CEP112: variants seen among roughly 807,000 people sequenced by gnomAD.
The protein encoded by CEP112 is centrosomal protein 112.
CEP112 carries 127 observed loss-of-function variants against 153.0 expected under a neutral mutation model. The observed-to-expected ratio is 0.83, with a 90% CI of 0.72 to 0.96. The LOEUF is 0.96. CEP112 is among the 40% of genes least tolerant of loss of function. The probability of loss-of-function intolerance (pLI) is 0.00; values close to 1 mark genes in which losing one functional copy is unlikely to be tolerated. For synonymous variants in CEP112, 358 were observed against 374.4 expected, an observed-to-expected ratio of 0.96 and a Z score of 0.51; for missense variants, 1,089 against 1,101.2, an observed-to-expected ratio of 0.99 and a Z score of 0.16.
intron 21 of CEP112, among the ~76,000 whole-genome samples, chr17:65,850,784 C>G (rs1339311272): frequency 6.6e-6 from 1 of 152,156 alleles, no homozygotes; most frequent in Non-Finnish European, 1.5e-5. Context: ...ATCACTTTCC[C>G]TCTTCTTCTC....
intron 16 of CEP112, among the ~76,000 whole-genome samples, chr17:66,020,284 C>A (rs1455366064): frequency 6.6e-6 from 1 of 152,146 alleles, no homozygotes; most frequent in African/African-American, 2.4e-5. Context: ...ATGAAATATA[C>A]TTAACATTTT....
intron 18 of CEP112, among the ~76,000 whole-genome samples, chr17:65,952,855 C>T (rs9635750): frequency 0.41 from 62,826 of 151,910 alleles, 14,390 homozygotes; most frequent in East Asian, 0.87. Context: ...TTTGCATTTC[C>T]TTGATGAATG....
At chr17:65,813,263 A>T (rs1598658747) in intron 21 of CEP112, among the ~76,000 whole-genome samples, 2 of 152,296 alleles carry the variant, frequency 1.3e-5, no homozygotes, top group East Asian at 3.9e-4. Flanking sequence ...TAAGAGCTGA[A>T]AGATCAGTCA....
intron 20 of CEP112, among the ~76,000 whole-genome samples, chr17:65,896,508 T>C (rs2059664351): frequency 6.6e-6 from 1 of 152,000 alleles, no homozygotes. Context: ...ACTTAAGAAA[T>C]AGTATTATTT....
rs138848748 is a variant in CEP112, at chr17:66,182,602, G to T, written c.106+592C>A. Among the ~76,000 whole-genome samples the T allele has an allele frequency of 1.1e-3, 171 of 152,250 alleles. 2 individuals carry two copies. Among genetic ancestry groups the T allele is most frequent in the Admixed American group, 0.01 (154 of 15,296 alleles). ...TACTACGCCTTAGAGAATCTTCCCA[G>T]TCCCCAAAATTCTCCCCAATTGTTC... On this transcript the variant is annotated intron_variant, in intron 2 of 26. Transcript: ENST00000535342.
At chr17:65,827,941 C>T (rs1039165417) in intron 21 of CEP112, among the ~76,000 whole-genome samples, 1 of 152,164 alleles carries the variant, frequency 6.6e-6, no homozygotes, top group African/African-American at 2.4e-5. Flanking sequence ...TGGTACCAGC[C>T]CTGGTACTCG....
At chr17:65,731,432 G>A (rs2050502340) in intron 23 of CEP112, among the ~76,000 whole-genome samples, 1 of 152,136 alleles carries the variant, frequency 6.6e-6, no homozygotes, top group Non-Finnish European at 1.5e-5. Context: ...ACAATCATCT[G>A]AGCCCCCAGA....
At chr17:66,064,334 A>G (rs1041922020) in intron 10 of CEP112, among the ~76,000 whole-genome samples, 11 of 152,206 alleles carry the variant, frequency 7.2e-5, no homozygotes, top group African/African-American at 2.7e-4. Context: ...TTATGTTACT[A>G]AAATGAAATA....
chr17:65,921,744 G>A (rs543031984), intron 19 of CEP112, among the ~76,000 whole-genome samples: 1 of 152,090 alleles, frequency 6.6e-6, no homozygotes, highest in African/African-American at 2.4e-5. Flanking sequence ...TCCATTAATA[G>A]TATCAATTCT....
intron 20 of CEP112, among the ~76,000 whole-genome samples, chr17:65,886,817 C>T (rs1287553778): frequency 1.3e-5 from 2 of 152,064 alleles, no homozygotes; most frequent in South Asian, 2.1e-4. Context: ...TACACAACCG[C>T]GGGCTGCCAT....
rs2071171475 is a variant in CEP112 at position 66,150,721 on chromosome 17, C to G, written c.471-17958G>C. Among the ~76,000 whole-genome samples, 4 of 152,300 alleles carry G rather than the reference C, an allele frequency of 2.6e-5. No homozygotes were observed. The South Asian group carries it at 8.3e-4, about 32-fold the overall frequency. ...TAGGCTGTGGTAGTTCAGAGTATTC[C>G]TCAAATCTTCTACATCCTTTTTGAC... On this transcript the variant is annotated intron_variant, in intron 4 of 26. Coordinates refer to ENST00000535342, the MANE Select transcript of CEP112 (RefSeq NM_001199165.4).
intron 20 of CEP112, among the ~76,000 whole-genome samples, chr17:65,899,036 T>C (rs2059756316): frequency 6.6e-6 from 1 of 152,202 alleles, no homozygotes; most frequent in Admixed American, 6.5e-5. Flanking sequence ...TATATTATAG[T>C]TCAAAAGCAA....
intron 11 of CEP112, among the ~76,000 whole-genome samples, chr17:66,054,887 G>T (rs1383032744): frequency 6.6e-6 from 1 of 152,136 alleles, no homozygotes; most frequent in Non-Finnish European, 1.5e-5. Context: ...CTCCCAAGTA[G>T]CTGGGATCAA....
intron 21 of CEP112, chr17:65,826,022 C>T (rs1484447716): frequency 1.0e-6 from 1 of 980,964 alleles, no homozygotes; most frequent in African/African-American, 1.6e-5. Flanking sequence ...CATCCCTGCC[C>T]TATCAAAATT....
At chr17:65,872,997 C>A (rs2024272) in intron 20 of CEP112, 1 of 151,864 alleles carries the variant, frequency 6.6e-6, no homozygotes, top group East Asian at 1.9e-4. Flanking sequence ...AGATGAGGTA[C>A]ATAATTTACG....
intron 12 of CEP112, 53 bp downstream of exon 12, chr17:66,053,683 T>C (rs1473033827): frequency 3.2e-6 from 5 of 1,561,018 alleles, no homozygotes; most frequent in Non-Finnish European, 4.4e-6. Flanking sequence ...CATGAGGACA[T>C]GGAAATTGAG....
intron 19 of CEP112, among the ~76,000 whole-genome samples, chr17:65,919,668 G>A (rs971044471): frequency 2.0e-5 from 3 of 152,230 alleles, no homozygotes; most frequent in Non-Finnish European, 4.4e-5. Flanking sequence ...GGTTTTGGAA[G>A]AGACCACTGC....
intron 6 of CEP112, among the ~76,000 whole-genome samples, chr17:66,124,921 T>C (rs977162647): frequency 1.3e-5 from 2 of 152,188 alleles, no homozygotes; most frequent in Non-Finnish European, 2.9e-5. Context: ...CATTCACTTT[T>C]AAAAGAAATA....
intron 24 of CEP112, among the ~76,000 whole-genome samples, chr17:65,646,817 C>A (rs1356418156): frequency 6.6e-6 from 1 of 152,160 alleles, no homozygotes; most frequent in Non-Finnish European, 1.5e-5. Flanking sequence ...GGGGCCAGGG[C>A]CAGGGGATGG....
Sources: gnomAD v4.1 joint callset for allele counts (sites outside exome capture counted in the v4.1 genomes callset) on GRCh38, gnomAD v4.1.1 for gene constraint, MANE v1.5 for transcripts, NCBI Gene and HGNC (gene_info 2026-07-23, HGNC 2026-07-21) for gene names.